OXNAD1: variants seen among roughly 807,000 people sequenced by gnomAD.
OXNAD1 encodes the protein oxidoreductase NAD binding domain containing 1, also known as oxidoreductase NAD-binding domain-containing protein 1.
OXNAD1 carries 34 observed loss-of-function variants against 32.9 expected under a neutral mutation model. That is an observed-to-expected ratio of 1.03 (90% CI 0.79 to 1.38). The LOEUF (loss-of-function observed/expected upper bound fraction) is 1.38. Among genes scored for constraint, OXNAD1 ranks in the 40% most tolerant of loss-of-function variants. The probability of loss-of-function intolerance (pLI) is 0.00; values close to 1 mark genes in which losing one functional copy is unlikely to be tolerated. For synonymous variants in OXNAD1, 134 were observed against 135.2 expected (o/e 0.99, Z 0.06); for missense variants, 407 against 379.4 (o/e 1.07, Z -0.60).
downstream of OXNAD1, among the ~76,000 whole-genome samples, chr3:16,337,873 C>T (rs1442783306): frequency 6.6e-6 from 1 of 152,170 alleles, no homozygotes; most frequent in Non-Finnish European, 1.5e-5. The surrounding 1 kb of genome is among the most constrained non-coding windows in gnomAD (Gnocchi z 5.0). Context: ...CCCTTATTTG[C>T]TCCAGGCCGG....
At chr3:16,326,616 A>T (rs879713027) in intron 9 of OXNAD1, among the ~76,000 whole-genome samples, 1 of 152,144 alleles carries the variant, frequency 6.6e-6, no homozygotes, top group African/African-American at 2.4e-5. Context: ...TAAGAATGTG[A>T]AATTCTGGCT....
downstream of OXNAD1, among the ~76,000 whole-genome samples, chr3:16,340,259 C>T (rs563868900): frequency 1.4e-4 from 21 of 152,252 alleles, no homozygotes; most frequent in Non-Finnish European, 2.6e-4. Context: ...AAATATGATG[C>T]AAACCGCAGC....
In OXNAD1 at chr3:16,323,321, A is replaced by T. The variant is rs1365907611; in HGVS notation, c.*31-13791A>T. 4 of 1,315,652 alleles carry T rather than the reference A, an allele frequency of 3.0e-6. No individual in the cohort carries two copies. In the East Asian group the frequency reaches 6.9e-5, roughly 23 times the overall value. 81.5% of individuals were successfully genotyped at this position (1,315,652 alleles called of 1,614,324 possible). A position where few individuals can be genotyped will look rare whatever the true frequency, so the allele number is the denominator to read the frequency against. ...CCCCCTCAAATGCTGCAGAAAATCC[A>T]CTGAAGATGAAGCCCTGCTGAGGAA... On this transcript the variant is annotated intron_variant, in intron 9 of 9. Transcript: ENST00000435829.
In OXNAD1 at chr3:16,329,611, G is replaced by A. The variant is rs940416249; in HGVS notation, c.*31-7501G>A. Among the ~76,000 whole-genome samples, 9 of 152,162 alleles carry A rather than the reference G, an allele frequency of 5.9e-5. No homozygotes were observed. The highest frequency in any genetic ancestry group is 1.3e-4 in the Non-Finnish European group (9 of 68,030). On this transcript the variant is annotated intron_variant, in intron 9 of 9. Coordinates refer to the OXNAD1 transcript ENST00000435829. This position sits in a 1 kb window ranked among gnomAD's most constrained non-coding sequence, Gnocchi z 4.5. Reference sequence around the variant, plus strand: ...CTGCTGGGTGCCACGCTCACCACCTGCTGAAGGAGTCCTGAGGCTGCTTTA... The same window carrying A: ...CTGCTGGGTGCCACGCTCACCACCTACTGAAGGAGTCCTGAGGCTGCTTTA...
At chr3:16,332,417 CTTT>C (rs34563846) in intron 9 of OXNAD1, among the ~76,000 whole-genome samples, 4 of 148,542 alleles carry the variant, frequency 2.7e-5, no homozygotes, top group African/African-American at 4.9e-5. Flanking sequence ...TTGATTGCTT[CTTT>C]TTTTTTTTTA....
At chr3:16,274,167 T>TAAAAAA (rs34969392) in intron 4 of OXNAD1, among the ~76,000 whole-genome samples, 1 of 122,404 alleles carries the variant, frequency 8.2e-6, no homozygotes, top group Non-Finnish European at 1.7e-5. Context: ...GTACTATCAC[T>TAAAAAA]AAAAAAAAAA....
chr3:16,312,306 A>G lies in OXNAD1; in HGVS notation c.*30+8714A>G, dbSNP rs1465203997. 6.6e-6 allele frequency among the ~76,000 whole-genome samples: 1 copy of G among 152,182 alleles called. No homozygotes were observed. The highest frequency in any genetic ancestry group is 1.9e-4 in the East Asian group (1 of 5,198). ...CCAGCCTCTCCTGGGAAGCTGCATC[A>G]GTGGTTTTGGCGGGTCATAGTGCAG... is the stretch of plus-strand genomic sequence containing the variant. On this transcript the variant is annotated intron_variant, in intron 9 of 9. Transcript: ENST00000435829. The surrounding 1 kb of genome is among the most constrained non-coding windows in gnomAD (Gnocchi z 4.7).
At chr3:16,309,341 A>G (rs959401930), downstream of OXNAD1, among the ~76,000 whole-genome samples, 1 of 152,228 alleles carries the variant, frequency 6.6e-6, no homozygotes, top group African/African-American at 2.4e-5. Flanking sequence ...AGTATTACCA[A>G]GTTACCCTAT....
chr3:16,332,119 C>T (rs968735396), intron 9 of OXNAD1, among the ~76,000 whole-genome samples: 1 of 151,978 alleles, frequency 6.6e-6, no homozygotes, highest in African/African-American at 2.4e-5. Flanking sequence ...AAGGATTGTT[C>T]ACCTGATGGC....
intron 1 of OXNAD1, among the ~76,000 whole-genome samples, chr3:16,266,893 A>G (rs1264294191): frequency 6.6e-6 from 1 of 152,230 alleles, no homozygotes; most frequent in African/African-American, 2.4e-5. Context: ...GCTGAAGATT[A>G]GAAAGCAGGA....
chr3:16,274,105 G>A (rs2065152459), intron 4 of OXNAD1, among the ~76,000 whole-genome samples: 1 of 148,736 alleles, frequency 6.7e-6, no homozygotes, highest in African/African-American at 2.5e-5. Context: ...CTCTGAGTAC[G>A]CTCACACTCC....
chr3:16,321,002 G>T lies in OXNAD1; in HGVS notation c.*31-16110G>T, dbSNP rs1478398704. 6.6e-6 allele frequency among the ~76,000 whole-genome samples: 1 copy of T among 152,204 alleles called. No individual in the cohort carries two copies. Among genetic ancestry groups the T allele is most frequent in the African/African-American group, 2.4e-5 (1 of 41,440 alleles). ...ATTAGAATAGCTGAGGCGAGTGATGGTAGAGAGAAGTGGAGGGATTCCAGA... is the reference window on the plus strand; with the variant it reads ...ATTAGAATAGCTGAGGCGAGTGATGTTAGAGAGAAGTGGAGGGATTCCAGA... On this transcript the variant is annotated intron_variant, in intron 9 of 9. Coordinates refer to the OXNAD1 transcript ENST00000435829. The surrounding 1 kb of genome is among the most constrained non-coding windows in gnomAD (Gnocchi z 4.8).
rs781090506 is a variant in OXNAD1 at position 16,317,003 on chromosome 3, G to C, written c.*30+13411G>C. 6.2e-7 allele frequency: 1 copy of C among 1,613,540 alleles called. No individual in the cohort carries two copies. The highest frequency in any genetic ancestry group is 8.5e-7 in the Non-Finnish European group (1 of 1,179,880). ...CACCCCACACAGCAGGCCACCAGGGGACAGCTGTTCTCCCTTGTCCTCTTG... is the reference window on the plus strand; with the variant it reads ...CACCCCACACAGCAGGCCACCAGGGCACAGCTGTTCTCCCTTGTCCTCTTG... On this transcript the variant is annotated intron_variant, in intron 9 of 9. Coordinates refer to the OXNAD1 transcript ENST00000435829. This position sits in a 1 kb window ranked among gnomAD's most constrained non-coding sequence, Gnocchi z 4.3.
downstream of OXNAD1, among the ~76,000 whole-genome samples, chr3:16,309,898 A>G (rs1404616196): frequency 2.6e-5 from 4 of 152,260 alleles, no homozygotes; most frequent in Non-Finnish European, 5.9e-5. Flanking sequence ...GGTTGACTGT[A>G]CTGAGAGATG....
rs775995226 is a variant in OXNAD1 at position 16,304,143 on chromosome 3, G to A, written c.*581G>A. 6.6e-6 allele frequency: 1 copy of A among 152,220 alleles called. No homozygotes were observed. Among genetic ancestry groups the A allele is most frequent in the Non-Finnish European group, 1.5e-5 (1 of 68,072 alleles). 9.4% of individuals were successfully genotyped at this position (152,220 alleles called of 1,614,324 possible). On this transcript the variant is annotated 3_prime_UTR_variant, in exon 9 of 9. Coordinates refer to ENST00000285083, the MANE Select transcript of OXNAD1 (RefSeq NM_138381.5). This position sits in a 1 kb window ranked among gnomAD's most constrained non-coding sequence, Gnocchi z 4.6. The stretch of plus-strand genomic sequence containing the variant: ...AGGGAGTTAAATATCCAGCATATTT[G>A]CTTTCTTGTTAATGAATATCCTAAG...
At position 16,301,751 on chromosome 3, in the gene OXNAD1, C is replaced by T. The variant is rs1435476234; in HGVS notation, c.558C>T (p.Ser186=). 1 of 1,613,950 alleles carries T rather than the reference C, an allele frequency of 6.2e-7. No individual in the cohort carries two copies. The highest frequency in any genetic ancestry group is 8.5e-7 in the Non-Finnish European group (1 of 1,180,012). Residue 186 remains serine, a synonymous_variant, in exon 7 of 9, where the codon TCC becomes TCT. Transcript: ENST00000285083. The surrounding 1 kb of genome is among the most constrained non-coding windows in gnomAD (Gnocchi z 4.1). ...GAGTCGGAATTAACCCTCTGCTTTC[C>T]ATCCTGCGGCACGCAGCAGATCTCC... ...AGGVGINPLL[S]ILRHAADLLR... is the part of the protein sequence containing the mutation.
chr3:16,296,470 G>A (rs566049891), intron 6 of OXNAD1, among the ~76,000 whole-genome samples: 9 of 152,270 alleles, frequency 5.9e-5, no homozygotes, highest in Admixed American at 5.9e-4. Context: ...TATGGACAAA[G>A]TGATTTTAAA....
intron 9 of OXNAD1, among the ~76,000 whole-genome samples, chr3:16,343,013 A>AT (rs1197083869): frequency 2.0e-5 from 3 of 151,926 alleles, no homozygotes; most frequent in Non-Finnish European, 2.9e-5. Flanking sequence ...GCTAATTTTT[A>AT]TTTTTTTAAT....
intron 4 of OXNAD1, among the ~76,000 whole-genome samples, chr3:16,283,980 C>G (rs931176852): frequency 6.6e-6 from 1 of 152,126 alleles, no homozygotes; most frequent in Non-Finnish European, 1.5e-5. Context: ...GCTAGGTTAC[C>G]TGTGGTTAAG....
Sources: allele counts gnomAD v4.1 joint callset (sites outside exome capture counted in the v4.1 genomes callset), GRCh38; gene constraint gnomAD v4.1.1; non-coding constraint Gnocchi (gnomAD v3.1); transcripts MANE v1.5; gene names NCBI Gene and HGNC (gene_info 2026-07-23, HGNC 2026-07-21).